The following CCDC73 variants were observed in gnomAD, a reference collection of about 807,000 sequenced individuals.
CCDC73 encodes the protein coiled-coil domain containing 73, also known as coiled-coil domain-containing protein 73.
CCDC73 carries 95 observed loss-of-function variants against 116.5 expected under a neutral mutation model. The ratio of observed to expected loss-of-function variants is 0.82; its 90% CI spans 0.69 to 0.97. The LOEUF (loss-of-function observed/expected upper bound fraction) is 0.97, where lower values mean the gene tolerates loss of function less well. Among genes scored for constraint, CCDC73 ranks in the 50% least tolerant of loss-of-function variants. The pLI is 0.00. For synonymous variants in CCDC73, 398 were observed against 401.3 expected (o/e 0.99, Z 0.10); for missense variants, 1,066 against 1,206.8 (o/e 0.88, Z 1.73).
the CCDC73 span, among the ~76,000 whole-genome samples, chr11:32,823,380 A>C: frequency 6.6e-6 from 1 of 152,180 alleles, no homozygotes; most frequent in Non-Finnish European, 1.5e-5. Flanking sequence ...GGGCTAAGGC[A>C]GGAGAATCGC....
At chr11:32,631,790 T>A (rs1855633858) in intron 14 of CCDC73, among the ~76,000 whole-genome samples, 1 of 152,048 alleles carries the variant, frequency 6.6e-6, no homozygotes, top group African/African-American at 2.4e-5. Context: ...TGAGGTGTGA[T>A]CACACCACTC....
At chr11:32,716,345 G>A (rs1849944198) in intron 3 of CCDC73, among the ~76,000 whole-genome samples, 1 of 152,000 alleles carries the variant, frequency 6.6e-6, no homozygotes, top group South Asian at 2.1e-4. Context: ...TTATGTATTT[G>A]GATCTATTTC....
At chr11:32,630,451 C>G (rs511851) in intron 14 of CCDC73, among the ~76,000 whole-genome samples, 37,370 of 151,966 alleles carry the variant, frequency 0.25, 4,732 homozygotes, top group Middle Eastern at 0.28. Flanking sequence ...TCAAGTGATT[C>G]TCCTGCCTCA....
At chr11:32,635,272 AAG>A (rs1473210184) in intron 14 of CCDC73, among the ~76,000 whole-genome samples, 1 of 152,132 alleles carries the variant, frequency 6.6e-6, no homozygotes, top group African/African-American at 2.4e-5. Flanking sequence ...TTTTTGGAAA[AAG>A]AACAATATTG....
rs990380580 is a variant in CCDC73, at chr11:32,760,029, C to T, written c.135+80G>A. The T allele has an allele frequency of 3.3e-6, 4 of 1,203,538 alleles. No individual in the cohort carries two copies. In the African/African-American group the frequency reaches 6.2e-5, roughly 19 times the overall value. The allele number at this position is 1,203,538 out of a possible 1,614,324, so 74.6% of individuals were successfully genotyped here. On this transcript the variant is annotated intron_variant, in intron 2 of 17. Transcript: ENST00000335185. ...TTCTAAACAAGAGGGATTTTTTAGG[C>T]TTTTTATTCTTTAAAAAACAATAAA...
the CCDC73 span, among the ~76,000 whole-genome samples, chr11:32,806,825 T>C: frequency 6.6e-6 from 1 of 152,136 alleles, no homozygotes; most frequent in African/African-American, 2.4e-5. Context: ...AGGTCTGACA[T>C]GGGCCCCAGG....
chr11:32,622,446 G>T (rs949851477), intron 14 of CCDC73, among the ~76,000 whole-genome samples: 1 of 152,052 alleles, frequency 6.6e-6, no homozygotes, highest in Non-Finnish European at 1.5e-5. Context: ...ATTCATAAGT[G>T]CGAGTTGAAC....
chr11:32,744,468 G>A (rs1850216885), intron 2 of CCDC73, among the ~76,000 whole-genome samples: 1 of 152,172 alleles, frequency 6.6e-6, no homozygotes, highest in Non-Finnish European at 1.5e-5. Context: ...GATCGGAATA[G>A]TTTCAGAAGG....
At chr11:32,609,051 C>T (rs1003285093) in intron 17 of CCDC73, among the ~76,000 whole-genome samples, 1 of 152,138 alleles carries the variant, frequency 6.6e-6, no homozygotes, top group Non-Finnish European at 1.5e-5. Flanking sequence ...GAAGGGCTGC[C>T]GTGAAGACCT....
At chr11:32,830,161 C>A in the CCDC73 span, 2 of 1,021,574 alleles carry the variant, frequency 2.0e-6, no homozygotes, top group Non-Finnish European at 2.3e-6. Flanking sequence ...GGAACATGTG[C>A]GGGGGGACAC....
rs186255314 is a variant in CCDC73, at chr11:32,731,988, C to A, written c.136-13841G>T. Among the ~76,000 whole-genome samples the A allele has an allele frequency of 2.2e-4, 33 of 152,240 alleles. No homozygotes were observed. The South Asian group carries it at 5.2e-3, about 24-fold the overall frequency. On this transcript the variant is annotated intron_variant, in intron 2 of 17. Transcript: ENST00000335185. ...CTTCTCCGAGCTAAAGGAGCATGTT[C>A]GAACCCATCGCAAAGAAGCTAAAAA...
intron 2 of CCDC73, among the ~76,000 whole-genome samples, chr11:32,726,235 A>G (rs1850028701): frequency 6.6e-6 from 1 of 152,238 alleles, no homozygotes; most frequent in Non-Finnish European, 1.5e-5. Flanking sequence ...GAGAGACAAT[A>G]GAAATGGATC....
At chr11:32,776,368 T>C (rs12291922) in intron 1 of CCDC73, among the ~76,000 whole-genome samples, 1,861 of 152,302 alleles carry the variant, frequency 0.012, 37 homozygotes, top group African/African-American at 0.042. Flanking sequence ...AGAGTTCTTT[T>C]TGTATACAAA....
intron 14 of CCDC73, among the ~76,000 whole-genome samples, chr11:32,622,632 C>T (rs1855532300): frequency 6.8e-6 from 1 of 148,022 alleles, no homozygotes; most frequent in Admixed American, 6.8e-5. Flanking sequence ...TGTAACAAAC[C>T]TGCACATTCT....
intron 12 of CCDC73, among the ~76,000 whole-genome samples, chr11:32,643,025 A>C (rs937034982): frequency 1.3e-5 from 2 of 151,702 alleles, no homozygotes; most frequent in African/African-American, 4.8e-5. Flanking sequence ...CATATCATAC[A>C]CTGTTCTGTC....
At chr11:32,629,766 A>G (rs1422852207) in intron 14 of CCDC73, among the ~76,000 whole-genome samples, 2 of 84,092 alleles carry the variant, frequency 2.4e-5, no homozygotes, top group African/African-American at 5.2e-5. Flanking sequence ...GAAGCAATGC[A>G]AGCCAAAAAA....
intron 12 of CCDC73, among the ~76,000 whole-genome samples, chr11:32,646,836 C>T (rs193035931): frequency 1.8e-3 from 279 of 152,214 alleles, no homozygotes; most frequent in African/African-American, 6.0e-3. Flanking sequence ...ATTTCCTTTC[C>T]TGTTTTCCAT....
At chr11:32,745,224 T>A (rs1046955396) in intron 2 of CCDC73, among the ~76,000 whole-genome samples, 15 of 152,128 alleles carry the variant, frequency 9.9e-5, no homozygotes, top group African/African-American at 3.6e-4. Context: ...TTTGAGTGAG[T>A]TTCTTAATCC....
chr11:32,676,966 T>A (rs981702516), intron 7 of CCDC73, among the ~76,000 whole-genome samples: 1 of 152,264 alleles, frequency 6.6e-6, no homozygotes, highest in African/African-American at 2.4e-5. Flanking sequence ...ACCTGCGATA[T>A]GACTTTTAAC....
Sources: allele counts gnomAD v4.1 joint callset (sites outside exome capture counted in the v4.1 genomes callset), GRCh38; gene constraint gnomAD v4.1.1; transcripts MANE v1.5; gene names NCBI Gene and HGNC (gene_info 2026-07-23, HGNC 2026-07-21).